Variants in EVA1A observed in about 807,000 individuals in gnomAD.
EVA1A encodes eva-1 homolog A, regulator of programmed cell death, also known as protein eva-1 homolog A.
Under a neutral mutation model 9.8 loss-of-function variants are expected in EVA1A, and 7 were observed. The ratio of observed to expected loss-of-function variants is 0.71; its 90% CI spans 0.41 to 1.34. EVA1A has a LOEUF of 1.34. Among genes scored for constraint, EVA1A ranks in the 40% most tolerant of loss-of-function variants. The pLI, the probability that EVA1A is intolerant of heterozygous loss-of-function variation, is 0.01. For synonymous variants in EVA1A, 90 were observed against 85.6 expected, an observed-to-expected ratio of 1.05 and a Z score of -0.28; for missense variants, 206 against 205.9, an observed-to-expected ratio of 1.00 and a Z score of 0.00.
upstream of EVA1A, chr2:75,560,966 TCGATCTCCC>T (rs1676903892): frequency 6.6e-6 from 1 of 152,436 alleles, no homozygotes; most frequent in South Asian, 2.1e-4. Context: ...CTCATTTCCT[TCGATCTCCC>T]CCCTCCTCCA....
intron 3 of EVA1A, among the ~76,000 whole-genome samples, chr2:75,509,147 T>C (rs999318349): frequency 2.0e-5 from 3 of 152,190 alleles, no homozygotes; most frequent in Non-Finnish European, 4.4e-5. Context: ...TAAAATTCAG[T>C]AAATTTACCT....
chr2:75,566,062 T>G (rs891181092), intron 1 of EVA1A, among the ~76,000 whole-genome samples: 6 of 152,178 alleles, frequency 3.9e-5, no homozygotes, highest in African/African-American at 1.4e-4. Context: ...TAATGGGACT[T>G]CTGTTAAGGT....
At position 75,493,201 on chromosome 2, in the gene EVA1A, G is replaced by A. The variant is rs1214135932; in HGVS notation, c.*35C>T. On this transcript the variant is annotated 3_prime_UTR_variant, in exon 4 of 4. Coordinates refer to ENST00000393913, the MANE Select transcript of EVA1A (RefSeq NM_001135032.2). ...TCCCTGCAGACGCTCTCCTTTCCAG[G>A]CGGCCTCCAGTGGTTTCCGGGGTCC... 1 of 1,572,778 alleles carries A rather than the reference G, an allele frequency of 6.4e-7. No homozygotes were observed. Among genetic ancestry groups the A allele is most frequent in the Non-Finnish European group, 8.6e-7 (1 of 1,159,098 alleles).
intron 1 of EVA1A, among the ~76,000 whole-genome samples, chr2:75,533,105 C>G (rs1675729090): frequency 6.7e-6 from 1 of 150,144 alleles, no homozygotes; most frequent in Admixed American, 6.6e-5. Context: ...GATTGCCCCA[C>G]TGCACTGCAC....
chr2:75,562,574 A>G (rs1294014130), upstream of EVA1A, among the ~76,000 whole-genome samples: 2 of 152,346 alleles, frequency 1.3e-5, no homozygotes, highest in South Asian at 2.1e-4. Context: ...AGCCTCAGAC[A>G]GCACTAAATT....
At chr2:75,505,523 T>C (rs373656817) in intron 3 of EVA1A, among the ~76,000 whole-genome samples, 1 of 152,214 alleles carries the variant, frequency 6.6e-6, no homozygotes, top group African/African-American at 2.4e-5. Flanking sequence ...TATGTGGGTA[T>C]GCGTATAAAT....
At position 75,540,374 on chromosome 2, in the gene EVA1A, A is replaced by G. The variant is rs112364133; in HGVS notation, c.-191-17887T>C. ...GGAAGCACAAGCTGGGGCTCATTCC[A>G]TGTAGACTTTGCCAAGAGTACTTAT... is the stretch of plus-strand genomic sequence containing the variant. On this transcript the variant is annotated intron_variant, in intron 1 of 3. Transcript: ENST00000393913. Among the ~76,000 whole-genome samples, 974 of 152,378 alleles carry G rather than the reference A, an allele frequency of 6.4e-3. 6 individuals are homozygous for G. Among genetic ancestry groups the G allele is most frequent in the African/African-American group, 0.022 (917 of 41,588 alleles).
chr2:75,507,739 C>T (rs1340766451), intron 3 of EVA1A, among the ~76,000 whole-genome samples: 1 of 152,166 alleles, frequency 6.6e-6, no homozygotes, highest in East Asian at 1.9e-4. Flanking sequence ...GGACAGGAGA[C>T]AGTAGAGCTG....
At chr2:75,504,764 T>C (rs369252369) in intron 3 of EVA1A, among the ~76,000 whole-genome samples, 5 of 106,906 alleles carry the variant, frequency 4.7e-5, no homozygotes, top group African/African-American at 1.1e-4. Context: ...TGAGAACACA[T>C]GGACACAGGG....
chr2:75,510,138 A>T (rs1674758973), intron 3 of EVA1A, among the ~76,000 whole-genome samples: 1 of 152,192 alleles, frequency 6.6e-6, no homozygotes, highest in African/African-American at 2.4e-5. Flanking sequence ...GAATGTGATT[A>T]TCAGGGGCAT....
At chr2:75,521,599 T>A (rs1049735657) in intron 2 of EVA1A, among the ~76,000 whole-genome samples, 2 of 152,184 alleles carry the variant, frequency 1.3e-5, no homozygotes, top group Non-Finnish European at 2.9e-5. Flanking sequence ...TGATTCCACA[T>A]GTATGAAGCA....
intron 1 of EVA1A, among the ~76,000 whole-genome samples, chr2:75,553,241 G>A (rs2103974533): frequency 6.6e-6 from 1 of 152,344 alleles, no homozygotes; most frequent in East Asian, 1.9e-4. Context: ...TGCTCTCCAA[G>A]CTGAGTTTAG....
Position 75,493,347 on chromosome 2 carries a change from C to T in EVA1A, c.348G>A (p.Glu116=). 1 of 1,614,242 alleles carries T rather than the reference C, an allele frequency of 6.2e-7. No homozygotes were observed. The highest frequency in any genetic ancestry group is 2.2e-5 in the East Asian group (1 of 44,880). The stretch of plus-strand genomic sequence containing the variant: ...CCAGCCGCTGGGCGCGCTCCAGCTC[C>T]TCCGCAGAGGTGAACACATTCTTGT... ...TLNKNVFTSA[E]ELERAQRLEE... is the part of the protein sequence containing the mutation. The change falls in exon 4 of 4, where the codon GAG becomes GAA. Residue 116 remains glutamate, a synonymous_variant. Transcript: ENST00000393913.
chr2:75,512,391 C>T (rs1395543226), intron 3 of EVA1A, among the ~76,000 whole-genome samples: 3 of 151,962 alleles, frequency 2.0e-5, no homozygotes, highest in South Asian at 2.1e-4. Context: ...CCCATTGATT[C>T]GAGGTGGGGT....
intron 3 of EVA1A, among the ~76,000 whole-genome samples, chr2:75,494,079 G>A (rs117699033): frequency 2.1e-4 from 32 of 152,238 alleles, no homozygotes; most frequent in African/African-American, 7.0e-4. Flanking sequence ...GTATTCACAC[G>A]CTTGTGCAAT....
At chr2:75,498,318 A>C (rs1247656390) in intron 3 of EVA1A, among the ~76,000 whole-genome samples, 1 of 106,016 alleles carries the variant, frequency 9.4e-6, no homozygotes, top group African/African-American at 3.7e-5. Flanking sequence ...AATAGACATT[A>C]GGGACTATTA....
intron 1 of EVA1A, 97 bp downstream of exon 1, chr2:75,560,583 G>A (rs1021476049): frequency 6.6e-6 from 1 of 152,394 alleles, no homozygotes; most frequent in Non-Finnish European, 1.5e-5. Context: ...GAAGTGCTCT[G>A]GGTGTTTCCG....
At chr2:75,535,583 T>C (rs1296562461) in intron 1 of EVA1A, among the ~76,000 whole-genome samples, 5 of 152,232 alleles carry the variant, frequency 3.3e-5, no homozygotes. Flanking sequence ...GTGTATGTAA[T>C]TCATTCATCA....
intron 3 of EVA1A, among the ~76,000 whole-genome samples, chr2:75,508,569 T>C (rs1224254928): frequency 1.3e-5 from 2 of 152,124 alleles, no homozygotes; most frequent in Non-Finnish European, 1.5e-5. Flanking sequence ...CGAAACTTCA[T>C]TAGCAATTTT....
Sources: allele counts gnomAD v4.1 joint callset (sites outside exome capture counted in the v4.1 genomes callset), GRCh38; gene constraint gnomAD v4.1.1; transcripts MANE v1.5; gene names NCBI Gene and HGNC (gene_info 2026-07-23, HGNC 2026-07-21).